Variants in KCNA7 observed in about 807,000 individuals in gnomAD.
The protein encoded by KCNA7 is potassium channel, voltage gated shaker related subfamily A, member 7.
Under a neutral mutation model 21.5 loss-of-function variants are expected in KCNA7, and 15 were observed. The observed-to-expected ratio is 0.70, with a 90% confidence interval of 0.47 to 1.07. KCNA7 has a LOEUF of 1.07. KCNA7 is among the 50% of genes least tolerant of loss of function. The probability of loss-of-function intolerance (pLI) is 0.00; values close to 1 mark genes in which losing one functional copy is unlikely to be tolerated. For synonymous variants in KCNA7, 298 were observed against 291.0 expected (o/e 1.02, Z -0.24); for missense variants, 640 against 651.6 (o/e 0.98, Z 0.19).
rs1483598912 is a variant in KCNA7 at position 49,069,244 on chromosome 19, G to C, written c.*819C>G. 1 of 152,108 alleles carries C rather than the reference G, an allele frequency of 6.6e-6. No homozygotes were observed. Among genetic ancestry groups the C allele is most frequent in the African/African-American group, 2.4e-5 (1 of 41,380 alleles). 9.4% of individuals were successfully genotyped at this position (152,108 alleles called of 1,614,324 possible). On this transcript the variant is annotated 3_prime_UTR_variant, in exon 2 of 2. Coordinates refer to ENST00000221444, the MANE Select transcript of KCNA7 (RefSeq NM_031886.3). ...ACTCACATAGTGACACAACTCAATGGAACTCAATTCAGCATGGCCCTATGA... is the reference window on the plus strand; with the variant it reads ...ACTCACATAGTGACACAACTCAATGCAACTCAATTCAGCATGGCCCTATGA...
Position 49,070,376 on chromosome 19 carries a change from A to G in KCNA7, c.1058T>C (p.Val353Ala), listed in dbSNP as rs1484625034. ...TSIPESFWWA[V>A]VTMTTVGYGD... ...ATAGCCAACTGTAGTCATGGTGACT[A>G]CCGCCCACCAGAAGGACTCAGGGAT... Residue 353 changes from valine to alanine, a missense_variant, in exon 2 of 2, where the codon GTA (valine) becomes GCA (alanine). Val to Ala is a moderately conservative substitution (Grantham distance 64). Transcript: ENST00000221444. The surrounding 1 kb of genome is among the most constrained non-coding windows in gnomAD (Gnocchi z 4.3). 3.7e-6 allele frequency: 6 copies of G among 1,613,922 alleles called. No homozygotes were observed. Among genetic ancestry groups the G allele is most frequent in the Non-Finnish European group, 4.2e-6 (5 of 1,180,026 alleles).
At position 49,072,597 on chromosome 19, in the gene KCNA7, C is replaced by T; in HGVS notation, c.-12G>A. Reference sequence around the variant, plus strand: ...CACCGCGGCTCCATGGCGCGCGCAGCCCCGGCGACCCGCGAACCGACGTGT... The same window carrying T: ...CACCGCGGCTCCATGGCGCGCGCAGTCCCGGCGACCCGCGAACCGACGTGT... On this transcript the variant is annotated 5_prime_UTR_variant, in exon 1 of 2. Coordinates refer to ENST00000221444, the MANE Select transcript of KCNA7 (RefSeq NM_031886.3). The T allele has an allele frequency of 8.2e-7, 1 of 1,219,102 alleles. No individual in the cohort carries two copies. Among genetic ancestry groups the T allele is most frequent in the Non-Finnish European group, 1.0e-6 (1 of 982,812 alleles). 75.5% of individuals were successfully genotyped at this position (1,219,102 alleles called of 1,614,324 possible).
chr19:49,070,383 A>G lies in KCNA7; in HGVS notation c.1051T>C (p.Trp351Arg). 1 of 1,614,102 alleles carries G rather than the reference A, an allele frequency of 6.2e-7. No individual in the cohort carries two copies. Among genetic ancestry groups the G allele is most frequent in the Non-Finnish European group, 8.5e-7 (1 of 1,180,034 alleles). ...HFTSIPESFW[W>R]AVVTMTTVGY... ...ACTGTAGTCATGGTGACTACCGCCCACCAGAAGGACTCAGGGATGCTAGTG... is the reference window on the plus strand; with the variant it reads ...ACTGTAGTCATGGTGACTACCGCCCGCCAGAAGGACTCAGGGATGCTAGTG... The change falls in exon 2 of 2, where the codon TGG becomes CGG. Residue 351 changes from tryptophan (W) to arginine (R), a missense_variant. Trp to Arg is a moderately radical substitution (Grantham distance 101). Coordinates refer to ENST00000221444, the MANE Select transcript of KCNA7 (RefSeq NM_031886.3). The surrounding 1 kb of genome is among the most constrained non-coding windows in gnomAD (Gnocchi z 4.3).
At position 49,068,963 on chromosome 19, in the gene KCNA7, C is replaced by T. The variant is rs1341344683; in HGVS notation, c.*1100G>A. 1 of 152,144 alleles carries T rather than the reference C, an allele frequency of 6.6e-6. No homozygotes were observed. The highest frequency in any genetic ancestry group is 2.4e-5 in the African/African-American group (1 of 41,412). 9.4% of individuals were successfully genotyped at this position (152,144 alleles called of 1,614,324 possible). A position where few individuals can be genotyped will look rare whatever the true frequency, so the allele number is the denominator to read the frequency against. On this transcript the variant is annotated 3_prime_UTR_variant, in exon 2 of 2. Coordinates refer to ENST00000221444, the MANE Select transcript of KCNA7 (RefSeq NM_031886.3). ...GGGTAAACAGGAGGAGCATCCACCT[C>T]TTCCTAATTTACCCAGTCGCCTCTG...
At chr19:49,071,008 A>G (rs1056326965) in intron 1 of KCNA7, 130 bp from the exon 2 acceptor site, 2 of 750,638 alleles carry the variant, frequency 2.7e-6, no homozygotes, top group African/African-American at 3.6e-5. Context: ...GCCCTCCGTG[A>G]CCTGGTTATC....
chr19:49,069,847 C>G lies in KCNA7; in HGVS notation c.*216G>C. 1.7e-6 allele frequency: 1 copy of G among 571,838 alleles called. No homozygotes were observed. The highest frequency in any genetic ancestry group is 3.1e-6 in the Non-Finnish European group (1 of 321,842). 35.4% of individuals were successfully genotyped at this position (571,838 alleles called of 1,614,324 possible). A position where few individuals can be genotyped will look rare whatever the true frequency, so the allele number is the denominator to read the frequency against. On this transcript the variant is annotated 3_prime_UTR_variant, in exon 2 of 2. Transcript: ENST00000221444. The stretch of plus-strand genomic sequence containing the variant: ...ACCAATTGAGTCTTCATTAACACAA[C>G]ACAACCCATTGCCATTCGCTGCTGC...
chr19:49,069,038 C>G lies in KCNA7; in HGVS notation c.*1025G>C, dbSNP rs989463076. The G allele has an allele frequency of 1.3e-5, 2 of 152,210 alleles. No homozygotes were observed. The highest frequency in any genetic ancestry group is 2.9e-5 in the Non-Finnish European group (2 of 68,012). 9.4% of individuals were successfully genotyped at this position (152,210 alleles called of 1,614,324 possible). ...CAGAATCCAGTCCCGCCCCCTACAG[C>G]GAGCTGGGGAGCCAGCTCGGCACAC... On this transcript the variant is annotated 3_prime_UTR_variant, in exon 2 of 2. Transcript: ENST00000221444.
chr19:49,072,253 G>T lies in KCNA7; in HGVS notation c.333C>A (p.Gly111=), dbSNP rs754428544. 3 of 1,588,634 alleles carry T rather than the reference G, an allele frequency of 1.9e-6. No homozygotes were observed. Among genetic ancestry groups the T allele is most frequent in the Non-Finnish European group, 2.6e-6 (3 of 1,169,718 alleles). ...GGGGGCGCTCGGGCGGCACCGGGCAGCCCTCGTCCTCGCGCAGGCGTGCCA... is the reference window on the plus strand; with the variant it reads ...GGGGGCGCTCGGGCGGCACCGGGCATCCCTCGTCCTCGCGCAGGCGTGCCA... ...AALARLREDE[G]CPVPPERPLP... Residue 111 remains glycine (G), a synonymous_variant, in exon 1 of 2, where the codon GGC becomes GGA. Transcript: ENST00000221444.
In KCNA7 at chr19:49,067,410, A is replaced by G. The variant is rs938020805; in HGVS notation, c.*2653T>C. 2 of 152,228 alleles carry G rather than the reference A, an allele frequency of 1.3e-5. No individual in the cohort carries two copies. The highest frequency in any genetic ancestry group is 4.8e-5 in the African/African-American group (2 of 41,458). 9.4% of individuals were successfully genotyped at this position (152,228 alleles called of 1,614,324 possible). ...ACAACAACAGTCTGTAAACCACTGG[A>G]TAGGTTTTAATAAATTAACCCAAGT... On this transcript the variant is annotated 3_prime_UTR_variant, in exon 2 of 2. Transcript: ENST00000221444.
At chr19:49,071,989 C>G (rs1273972373) in intron 1 of KCNA7, 42 bp downstream of exon 1, 3 of 1,504,182 alleles carry the variant, frequency 2.0e-6, no homozygotes, top group Non-Finnish European at 2.7e-6. Context: ...CGCCCATCTC[C>G]TCCCAAACCC....
In KCNA7 at chr19:49,069,546, G is replaced by A. The variant is rs546202785; in HGVS notation, c.*517C>T. ...AACATGCCCCTGGAAGAATCACAGA[G>A]CTACACAATTTCCACCATGTCTCAA... is the stretch of plus-strand genomic sequence containing the variant. On this transcript the variant is annotated 3_prime_UTR_variant, in exon 2 of 2. Coordinates refer to ENST00000221444, the MANE Select transcript of KCNA7 (RefSeq NM_031886.3). 1.3e-5 allele frequency: 2 copies of A among 154,030 alleles called. No homozygotes were observed. Among genetic ancestry groups the A allele is most frequent in the African/African-American group, 4.8e-5 (2 of 41,554 alleles). 9.5% of individuals were successfully genotyped at this position (154,030 alleles called of 1,614,324 possible).
At position 49,070,607 on chromosome 19, in the gene KCNA7, ATGGCCAGTGACATGGC is replaced by A; in HGVS notation, c.811_826del (p.Ala271SerfsTer2). On this transcript the variant is annotated frameshift_variant, in exon 2 of 2. Coordinates refer to ENST00000221444, the MANE Select transcript of KCNA7 (RefSeq NM_031886.3). LOFTEE classifies it high-confidence loss of function. This position sits in a 1 kb window ranked among gnomAD's most constrained non-coding sequence, Gnocchi z 4.3. ...ACGCACCAATCGGATGACTCTCAGG[ATGGCCAGTGACATGGC>A]CTGCTGGCCCACCCCTCGCTGCCGG... 6.2e-7 allele frequency: 1 copy of A among 1,614,202 alleles called. No homozygotes were observed. The highest frequency in any genetic ancestry group is 8.5e-7 in the Non-Finnish European group (1 of 1,180,030).
Position 49,070,250 on chromosome 19 carries a change from G to A in KCNA7, c.1184C>T (p.Ser395Phe). Residue 395 changes from serine to phenylalanine, a missense_variant, in exon 2 of 2, where the codon TCC becomes TTC. By Grantham distance (155) the Ser-to-Phe change is radical (BLOSUM62 -2). Transcript: ENST00000221444. This position sits in a 1 kb window ranked among gnomAD's most constrained non-coding sequence, Gnocchi z 4.3. ...CCGGTGATAAAAGTAGCTGAAATTG[G>A]AGACAATGACGGGCACTGGCAGGGA... ...TISLPVPVIVSNFSYFYHRET... is the reference protein window; with the variant it reads ...TISLPVPVIVFNFSYFYHRET... 6.2e-7 allele frequency: 1 copy of A among 1,614,200 alleles called. No individual in the cohort carries two copies. Among genetic ancestry groups the A allele is most frequent in the Non-Finnish European group, 8.5e-7 (1 of 1,180,036 alleles).
chr19:49,069,196 A>G lies in KCNA7; in HGVS notation c.*867T>C, dbSNP rs1012485757. 2 of 152,198 alleles carry G rather than the reference A, an allele frequency of 1.3e-5. No homozygotes were observed. Among genetic ancestry groups the G allele is most frequent in the African/African-American group, 4.8e-5 (2 of 41,434 alleles). 9.4% of individuals were successfully genotyped at this position (152,198 alleles called of 1,614,324 possible). Reference sequence around the variant, plus strand: ...CCTATGGAACTCGTTCGCACAGTCCAACTCAACCCAACTTCCTGTAGGACT... The same window carrying G: ...CCTATGGAACTCGTTCGCACAGTCCGACTCAACCCAACTTCCTGTAGGACT... On this transcript the variant is annotated 3_prime_UTR_variant, in exon 2 of 2. Transcript: ENST00000221444.
At position 49,070,298 on chromosome 19, in the gene KCNA7, G is replaced by C. The variant is rs2040247647; in HGVS notation, c.1136C>G (p.Ala379Gly). ...VGGKIVGSLCAIAGVLTISLP... is the reference protein window; with the variant it reads ...VGGKIVGSLCGIAGVLTISLP... ...GGAAATAGTCAGCACGCCCGCAATG[G>C]CACACAGAGAGCCCACTATCTTGCC... Residue 379 changes from alanine to glycine, a missense_variant, in exon 2 of 2, where the codon GCC becomes GGC. Physicochemically the swap from Ala to Gly is moderately conservative, Grantham distance 60 (BLOSUM62 0). Transcript: ENST00000221444. This position sits in a 1 kb window ranked among gnomAD's most constrained non-coding sequence, Gnocchi z 4.3. 1.9e-6 allele frequency: 3 copies of C among 1,614,048 alleles called. No homozygotes were observed. In the African/African-American group the frequency reaches 4.0e-5, roughly 22 times the overall value.
rs1568411382 is a variant in KCNA7, at chr19:49,068,307, A to C, written c.*1756T>G. The C allele has an allele frequency of 1.4e-5, 2 of 145,816 alleles. No individual in the cohort carries two copies. Among genetic ancestry groups the C allele is most frequent in the Admixed American group, 6.9e-5 (1 of 14,460 alleles). 9.0% of individuals were successfully genotyped at this position (145,816 alleles called of 1,614,324 possible). On this transcript the variant is annotated 3_prime_UTR_variant, in exon 2 of 2. Transcript: ENST00000221444. ...CTGGGTCTCTGTCCCTCCCTCCCCCACTGGCTCTTTTTGTTTGTTTGTTGA... is the reference window on the plus strand; with the variant it reads ...CTGGGTCTCTGTCCCTCCCTCCCCCCCTGGCTCTTTTTGTTTGTTTGTTGA...
At position 49,069,816 on chromosome 19, in the gene KCNA7, A is replaced by G. The variant is rs548089938; in HGVS notation, c.*247T>C. On this transcript the variant is annotated 3_prime_UTR_variant, in exon 2 of 2. Coordinates refer to ENST00000221444, the MANE Select transcript of KCNA7 (RefSeq NM_031886.3). ...CATGAGCTTTGCACAACTCAGAGTA[A>G]TATGAACCAATTGAGTCTTCATTAA... 1 of 528,242 alleles carries G rather than the reference A, an allele frequency of 1.9e-6. No individual in the cohort carries two copies. Among genetic ancestry groups the G allele is most frequent in the East Asian group, 3.1e-5 (1 of 32,466 alleles). The allele number at this position is 528,242 out of a possible 1,614,324, so 32.7% of individuals were successfully genotyped here.
At position 49,072,397 on chromosome 19, in the gene KCNA7, G is replaced by C. The variant is rs754425067; in HGVS notation, c.189C>G (p.Pro63=). 36 of 1,586,426 alleles carry C rather than the reference G, an allele frequency of 2.3e-5. No homozygotes were observed. The African/African-American group carries it at 4.3e-4, about 19-fold the overall frequency. The change falls in exon 1 of 2, where the codon CCC becomes CCG. Residue 63 remains proline (P), a synonymous_variant. Transcript: ENST00000221444. ...AGTAGTAGAGCACGGCGTCGAAGCT[G>C]GGCCGGTGCCGGTCGAAGAAATACT... The part of the protein sequence containing the change: ...RREYFFDRHR[P]SFDAVLYYYQ...
chr19:49,069,982 C>T lies in KCNA7; in HGVS notation c.*81G>A, dbSNP rs1489827737. The T allele has an allele frequency of 5.3e-6, 6 of 1,124,458 alleles. No individual in the cohort carries two copies. The highest frequency in any genetic ancestry group is 2.2e-5 in the Admixed American group (1 of 45,470). 69.7% of individuals were successfully genotyped at this position (1,124,458 alleles called of 1,614,324 possible). On this transcript the variant is annotated 3_prime_UTR_variant, in exon 2 of 2. Coordinates refer to ENST00000221444, the MANE Select transcript of KCNA7 (RefSeq NM_031886.3). ...CCTAGCTCTTCCTAAACCCAATCCC[C>T]TCCCCCCAGCCTTGCCCTCCACCCT...
Sources: allele counts gnomAD v4.1 joint callset, GRCh38; gene constraint gnomAD v4.1.1; non-coding constraint Gnocchi (gnomAD v3.1); transcripts MANE v1.5; gene names NCBI Gene and HGNC (gene_info 2026-07-23, HGNC 2026-07-21).